The following LMNTD1 variants were observed in gnomAD, a reference collection of about 807,000 sequenced individuals.
LMNTD1 encodes the protein lamin tail domain containing 1.
In LMNTD1, 35 loss-of-function variants were observed where a neutral mutation model predicts 50.9. The ratio of observed to expected loss-of-function variants is 0.69; its 90% CI spans 0.53 to 0.91. The LOEUF (loss-of-function observed/expected upper bound fraction) is 0.91, where lower values mean the gene tolerates loss of function less well. LMNTD1 is among the 40% of genes least tolerant of loss of function. LMNTD1 has a pLI of 0.00. For synonymous variants in LMNTD1, 153 were observed against 161.9 expected (o/e 0.94, Z 0.42); for missense variants, 470 against 475.5 (o/e 0.99, Z 0.11).
Position 25,648,545 on chromosome 12 carries a change from G to A in LMNTD1, c.7C>T (p.Gln3Ter). The stretch of plus-strand genomic sequence containing the variant: ...CCGATGTCTCCTGCTCTCACTGGCT[G>A]TTGCATGTAGTGTCCTTAAGCTTCT... The change falls in exon 1 of 8, where the codon CAG (glutamine) becomes TAG (stop). Residue 3 changes from glutamine to a stop codon, truncating the protein, a stop_gained. Transcript: ENST00000445693. LOFTEE classifies it high-confidence loss of function. The A allele has an allele frequency of 6.4e-7, 1 of 1,551,566 alleles. No homozygotes were observed. The highest frequency in any genetic ancestry group is 8.7e-7 in the Non-Finnish European group (1 of 1,146,846).
intron 1 of LMNTD1, among the ~76,000 whole-genome samples, chr12:25,569,576 C>T (rs947896894): frequency 5.3e-5 from 8 of 152,118 alleles, no homozygotes; most frequent in African/African-American, 1.9e-4. Context: ...GGATATTTGT[C>T]CCCACCCTAG....
At chr12:25,628,289 A>G (rs1946639981) in intron 1 of LMNTD1, among the ~76,000 whole-genome samples, 1 of 147,968 alleles carries the variant, frequency 6.8e-6, no homozygotes, top group Non-Finnish European at 1.5e-5. Context: ...AATAGAATTC[A>G]TAAATAATAT....
chr12:25,545,433 C>A (rs1316186113), intron 4 of LMNTD1, among the ~76,000 whole-genome samples: 1 of 151,562 alleles, frequency 6.6e-6, no homozygotes, highest in Non-Finnish European at 1.5e-5. Flanking sequence ...CAGGAATTGT[C>A]TCATCCTCAT....
chr12:25,645,529 G>A (rs978561152), intron 1 of LMNTD1, among the ~76,000 whole-genome samples: 1 of 152,226 alleles, frequency 6.6e-6, no homozygotes, highest in African/African-American at 2.4e-5. Context: ...AGCCCAGCTC[G>A]CTAACATAGA....
chr12:25,485,512 A>G (rs1184536157), intron 9 of LMNTD1, among the ~76,000 whole-genome samples: 1 of 113,940 alleles, frequency 8.8e-6, no homozygotes, highest in African/African-American at 3.4e-5. Flanking sequence ...TAGTTTAATT[A>G]GATCCCATTT....
At chr12:25,637,790 C>T (rs1247044712) in intron 1 of LMNTD1, among the ~76,000 whole-genome samples, 2 of 149,820 alleles carry the variant, frequency 1.3e-5, no homozygotes, top group South Asian at 2.1e-4. Context: ...CTTTTTTTTC[C>T]AAAAAAGATA....
At position 25,503,853 on chromosome 12, in the gene LMNTD1, G is replaced by A. The variant is rs1939535895; in HGVS notation, c.1190-53C>T. 4 of 985,294 alleles carry A rather than the reference G, an allele frequency of 4.1e-6. No individual in the cohort carries two copies. The East Asian group carries it at 7.7e-5, about 19-fold the overall frequency. 61.0% of individuals were successfully genotyped at this position (985,294 alleles called of 1,614,324 possible). A position where few individuals can be genotyped will look rare whatever the true frequency, so the allele number is the denominator to read the frequency against. On this transcript the variant is annotated intron_variant, in intron 8 of 9. Coordinates refer to ENST00000458174, the MANE Select transcript of LMNTD1 (RefSeq NM_001145728.2). The stretch of plus-strand genomic sequence containing the variant: ...AAGGAGAGAGGCTAGGTAGGGAAGG[G>A]CAAGAGTTCAGTCCAGTATTCCAAG...
At chr12:25,587,652 C>T (rs1478337257) in intron 1 of LMNTD1, among the ~76,000 whole-genome samples, 1 of 152,248 alleles carries the variant, frequency 6.6e-6, no homozygotes, top group East Asian at 1.9e-4. Flanking sequence ...GCCTTCAACA[C>T]TGGGGATTAC....
At chr12:25,593,300 A>G (rs1454445291) in intron 1 of LMNTD1, among the ~76,000 whole-genome samples, 1 of 152,184 alleles carries the variant, frequency 6.6e-6, no homozygotes, top group South Asian at 2.1e-4. Flanking sequence ...ACCCTTACAG[A>G]GCACATTTTC....
At chr12:25,518,645 G>T in intron 8 of LMNTD1, 150 bp downstream of exon 8, 1 of 669,318 alleles carries the variant, frequency 1.5e-6, no homozygotes, top group Non-Finnish European at 2.6e-6. Flanking sequence ...TAAGTGAATG[G>T]TTAACAATAC....
chr12:25,481,904 C>CAT (rs1938459653), intron 9 of LMNTD1, among the ~76,000 whole-genome samples: 1 of 147,370 alleles, frequency 6.8e-6, no homozygotes, highest in South Asian at 2.1e-4. Flanking sequence ...CACACACACA[C>CAT]ACATATAGTG....
At chr12:25,544,314 A>G (rs747245522) in intron 4 of LMNTD1, among the ~76,000 whole-genome samples, 2 of 151,842 alleles carry the variant, frequency 1.3e-5, no homozygotes, top group Non-Finnish European at 2.9e-5. Flanking sequence ...TTATCATTAT[A>G]TAGTGACCTT....
chr12:25,494,173 G>C (rs1374140535), intron 9 of LMNTD1, among the ~76,000 whole-genome samples: 1 of 152,154 alleles, frequency 6.6e-6, no homozygotes, highest in Non-Finnish European at 1.5e-5. Context: ...TCTATTCATT[G>C]ACTAATATAA....
intron 1 of LMNTD1, among the ~76,000 whole-genome samples, chr12:25,560,365 T>C (rs564259841): frequency 1.3e-5 from 2 of 152,326 alleles, no homozygotes; most frequent in South Asian, 4.1e-4. Flanking sequence ...ATATGTGGCA[T>C]TATTTCTGAG....
intron 6 of LMNTD1, among the ~76,000 whole-genome samples, chr12:25,524,332 G>A (rs769697638): frequency 1.3e-5 from 2 of 152,030 alleles, no homozygotes; most frequent in East Asian, 3.9e-4. Context: ...TGACAGATAC[G>A]AAATATATTT....
intron 1 of LMNTD1, among the ~76,000 whole-genome samples, chr12:25,576,338 C>G (rs2136387882): frequency 6.6e-6 from 1 of 152,320 alleles, no homozygotes; most frequent in Middle Eastern, 3.4e-3. Flanking sequence ...TTCTCCACAT[C>G]CTCTCCAGCA....
At chr12:25,577,099 G>A (rs1447856254) in intron 1 of LMNTD1, among the ~76,000 whole-genome samples, 2 of 152,178 alleles carry the variant, frequency 1.3e-5, no homozygotes, top group Non-Finnish European at 2.9e-5. Context: ...CTGTAGCCTT[G>A]TAGTATAGTT....
intron 1 of LMNTD1, among the ~76,000 whole-genome samples, chr12:25,585,232 TC>T (rs1363978991): frequency 1.3e-5 from 2 of 152,234 alleles, no homozygotes; most frequent in Admixed American, 1.3e-4. Context: ...TCTCTGCTCT[TC>T]CAGTTTCATT....
chr12:25,633,643 C>T (rs1946765473), intron 1 of LMNTD1, among the ~76,000 whole-genome samples: 1 of 152,132 alleles, frequency 6.6e-6, no homozygotes, highest in Admixed American at 6.5e-5. Flanking sequence ...AATAATGACA[C>T]AACCTATCAA....
Sources: gnomAD v4.1 joint callset for allele counts (sites outside exome capture counted in the v4.1 genomes callset) on GRCh38, gnomAD v4.1.1 for gene constraint, MANE v1.5 for transcripts, NCBI Gene and HGNC (gene_info 2026-07-23, HGNC 2026-07-21) for gene names.